Variants in COX7B2 observed in about 807,000 individuals in gnomAD.
COX7B2 encodes cytochrome c oxidase subunit 7B2, mitochondrial.
For missense variants in COX7B2, 109 were observed against 95.9 expected (o/e 1.14, Z -0.57); for synonymous variants, 37 against 32.1 (o/e 1.15, Z -0.51).
chr4:46,908,951 G>A (rs1328096866), intron 1 of COX7B2, among the ~76,000 whole-genome samples: 2 of 152,028 alleles, frequency 1.3e-5, no homozygotes, highest in Admixed American at 1.3e-4. Flanking sequence ...GGCTGAGGCA[G>A]GAGAATGGCG....
chr4:46,810,414 T>C (rs1180182762), intron 2 of COX7B2, among the ~76,000 whole-genome samples: 2 of 152,078 alleles, frequency 1.3e-5, no homozygotes, highest in Non-Finnish European at 2.9e-5. Context: ...CTTTTGTTTC[T>C]TTTATCTTTA....
At chr4:46,841,904 T>C (rs1014622691) in intron 2 of COX7B2, among the ~76,000 whole-genome samples, 20 of 151,920 alleles carry the variant, frequency 1.3e-4, no homozygotes, top group Non-Finnish European at 2.6e-4. Flanking sequence ...TGATACAAGC[T>C]TCACAAAGCC....
At chr4:46,759,289 G>C (rs1200841470) in intron 2 of COX7B2, among the ~76,000 whole-genome samples, 1 of 152,072 alleles carries the variant, frequency 6.6e-6, no homozygotes, top group Non-Finnish European at 1.5e-5. Context: ...GTAATTGTTA[G>C]AGATCAACTA....
chr4:46,829,009 T>C (rs1714887772), intron 2 of COX7B2, among the ~76,000 whole-genome samples: 1 of 152,170 alleles, frequency 6.6e-6, no homozygotes, highest in African/African-American at 2.4e-5. Flanking sequence ...CTATTATTAC[T>C]CCTTTCTCAA....
intron 2 of COX7B2, among the ~76,000 whole-genome samples, chr4:46,782,248 G>T (rs990535835): frequency 6.6e-6 from 1 of 151,906 alleles, no homozygotes; most frequent in Non-Finnish European, 1.5e-5. Context: ...TAGCTAATCT[G>T]GTGGGGACTT....
At chr4:46,809,009 T>G (rs75659963) in intron 2 of COX7B2, among the ~76,000 whole-genome samples, 1,786 of 152,004 alleles carry the variant, frequency 0.012, 14 homozygotes, top group Non-Finnish European at 0.017. Context: ...CATGTCTTTG[T>G]CTGACTTAGG....
intron 2 of COX7B2, among the ~76,000 whole-genome samples, chr4:46,737,682 T>A (rs1714446724): frequency 1.3e-5 from 2 of 152,136 alleles, no homozygotes. Flanking sequence ...ATAAAATAAT[T>A]CTTTAAATTT....
intron 1 of COX7B2, among the ~76,000 whole-genome samples, chr4:46,872,187 T>C (rs1718034813): frequency 6.6e-6 from 1 of 152,194 alleles, no homozygotes; most frequent in African/African-American, 2.4e-5. Flanking sequence ...AGGATGGAGC[T>C]GGAGGCTATT....
chr4:46,746,483 AGGCAGAAT>A (rs1442279571), intron 2 of COX7B2, among the ~76,000 whole-genome samples: 14 of 152,232 alleles, frequency 9.2e-5, no homozygotes, highest in African/African-American at 2.7e-4. Flanking sequence ...CACCAGAGGT[AGGCAGAAT>A]GGATATTGAA....
intron 2 of COX7B2, among the ~76,000 whole-genome samples, chr4:46,780,650 A>T (rs746708261): frequency 7.9e-5 from 12 of 152,260 alleles, no homozygotes; most frequent in Non-Finnish European, 1.5e-4. Context: ...TGGATATGTG[A>T]TTACATATAC....
At chr4:46,745,662 G>A (rs1008729446) in intron 2 of COX7B2, among the ~76,000 whole-genome samples, 1 of 152,100 alleles carries the variant, frequency 6.6e-6, no homozygotes, top group African/African-American at 2.4e-5. Flanking sequence ...CAGTGAGACA[G>A]GATGCACTTT....
chr4:46,780,594 A>C (rs2109549429), intron 2 of COX7B2, among the ~76,000 whole-genome samples: 2 of 152,364 alleles, frequency 1.3e-5, no homozygotes, highest in East Asian at 3.9e-4. Context: ...TAAAGGTATA[A>C]GATTGCTGCC....
chr4:46,882,593 G>T (rs911085321), intron 1 of COX7B2, among the ~76,000 whole-genome samples: 3 of 152,040 alleles, frequency 2.0e-5, no homozygotes, highest in African/African-American at 7.2e-5. Flanking sequence ...AATCTGGTTT[G>T]TCCAAAGTTA....
At chr4:46,906,868 T>A (rs1720424291) in intron 1 of COX7B2, among the ~76,000 whole-genome samples, 1 of 152,248 alleles carries the variant, frequency 6.6e-6, no homozygotes. Flanking sequence ...CCCCTCTTGC[T>A]TGAGCCTTGT....
chr4:46,773,279 G>C (rs1716979029), intron 2 of COX7B2, among the ~76,000 whole-genome samples: 1 of 152,122 alleles, frequency 6.6e-6, no homozygotes, highest in African/African-American at 2.4e-5. Context: ...GGAGGTAACT[G>C]AATCATGGGG....
chr4:46,764,488 A>G (rs1420085026), intron 2 of COX7B2, among the ~76,000 whole-genome samples: 1 of 152,136 alleles, frequency 6.6e-6, no homozygotes, highest in African/African-American at 2.4e-5. Flanking sequence ...GGTTGCAGTG[A>G]GCCGAGATCA....
chr4:46,828,749 A>G, intron 2 of COX7B2, among the ~76,000 whole-genome samples: 1 of 152,312 alleles, frequency 6.6e-6, no homozygotes, highest in Middle Eastern at 3.4e-3. Flanking sequence ...TGAACACATC[A>G]ATATATGGAG....
chr4:46,826,886 G>A lies in COX7B2; in HGVS notation c.-50+18074C>T, dbSNP rs537218356. ...CATGTGGAGGGATGGAGGAGGGAGAGGAGCAGAAAAATGGCAACAATAAAA... is the reference window on the plus strand; with the variant it reads ...CATGTGGAGGGATGGAGGAGGGAGAAGAGCAGAAAAATGGCAACAATAAAA... On this transcript the variant is annotated intron_variant, in intron 2 of 2. Transcript: ENST00000355591. 2.0e-5 allele frequency among the ~76,000 whole-genome samples: 3 copies of A among 151,892 alleles called. No homozygotes were observed. In the South Asian group the frequency reaches 6.2e-4, roughly 32 times the overall value.
At chr4:46,779,815 C>T (rs1018338998) in intron 2 of COX7B2, among the ~76,000 whole-genome samples, 18 of 150,940 alleles carry the variant, frequency 1.2e-4, no homozygotes, top group Non-Finnish European at 1.0e-4. Flanking sequence ...GTGGTGGTTG[C>T]CAGGGATGGA....
Sources: gnomAD v4.1 joint callset for allele counts (sites outside exome capture counted in the v4.1 genomes callset) on GRCh38, gnomAD v4.1.1 for gene constraint, MANE v1.5 for transcripts, NCBI Gene and HGNC (gene_info 2026-07-23, HGNC 2026-07-21) for gene names.